IQCK: variants seen among roughly 807,000 people sequenced by gnomAD.
IQCK encodes IQ domain-containing protein K.
IQCK carries 29 observed loss-of-function variants against 28.1 expected under a neutral mutation model. The observed-to-expected ratio is 1.03, with a 90% CI of 0.77 to 1.41. IQCK has a LOEUF of 1.41. Among genes scored for constraint, IQCK ranks in the 40% most tolerant of loss-of-function variants. The pLI is 0.00. For synonymous variants in IQCK, 113 were observed against 115.1 expected (o/e 0.98, Z 0.12); for missense variants, 359 against 314.7 (o/e 1.14, Z -1.07).
intron 1 of IQCK, among the ~76,000 whole-genome samples, chr16:19,726,060 C>T (rs7194014): frequency 0.018 from 2,795 of 152,112 alleles, 69 homozygotes; most frequent in African/African-American, 0.063. Context: ...GGACTACAGG[C>T]GCCCGCCACC....
intron 9 of IQCK, among the ~76,000 whole-genome samples, chr16:19,853,655 A>G (rs1488509098): frequency 6.6e-6 from 1 of 151,780 alleles, no homozygotes; most frequent in Non-Finnish European, 1.5e-5. Context: ...TTTTTTTGAG[A>G]CAGTCTTGCT....
exon 10 of IQCK, chr16:19,856,592 T>C (rs2056566118): frequency 6.6e-7 from 1 of 1,526,452 alleles, no homozygotes. Flanking sequence ...ACAAGTTACC[T>C]TGTGCAAGGA....
intron 4 of IQCK, among the ~76,000 whole-genome samples, chr16:19,746,440 T>A (rs1259434793): frequency 6.6e-6 from 1 of 152,220 alleles, no homozygotes; most frequent in Non-Finnish European, 1.5e-5. Flanking sequence ...TTGTTGCCAT[T>A]AACCATCCCC....
At chr16:19,733,731 T>C (rs770525622) in exon 3 of IQCK, 1 of 1,614,244 alleles carries the variant, frequency 6.2e-7, no homozygotes, top group Non-Finnish European at 8.5e-7. Flanking sequence ...TTTTCATGGC[T>C]TCAGTGCAGA....
chr16:19,773,998 C>T (rs148625553), intron 6 of IQCK, among the ~76,000 whole-genome samples: 4 of 152,138 alleles, frequency 2.6e-5, no homozygotes, highest in South Asian at 4.2e-4. Context: ...CATGGTATTG[C>T]GGGGGTCATC....
At chr16:19,719,674 T>A (rs994095337) in intron 1 of IQCK, among the ~76,000 whole-genome samples, 1 of 144,950 alleles carries the variant, frequency 6.9e-6, no homozygotes, top group Non-Finnish European at 1.5e-5. Flanking sequence ...ACTCAAATTT[T>A]TTTTTTTTTT....
chr16:19,730,376 AC>A, intron 1 of IQCK, 53 bp from the exon 2 acceptor site: 1 of 1,341,162 alleles, frequency 7.5e-7, no homozygotes, highest in Non-Finnish European at 1.0e-6. Context: ...AGGAAATTAC[AC>A]CAGAAACTCT....
intron 9 of IQCK, among the ~76,000 whole-genome samples, chr16:19,844,392 A>G (rs1164505334): frequency 1.3e-5 from 2 of 151,994 alleles, no homozygotes; most frequent in African/African-American, 4.8e-5. Flanking sequence ...CTTGTTGAAG[A>G]CTTCAGAGTT....
At chr16:19,827,533 G>A (rs757096953), downstream of IQCK, among the ~76,000 whole-genome samples, 2 of 152,110 alleles carry the variant, frequency 1.3e-5, no homozygotes, top group African/African-American at 2.4e-5. Context: ...CCCCTTTTGC[G>A]ATGGCTAATT....
At chr16:19,769,787 C>T (rs897632304) in intron 6 of IQCK, among the ~76,000 whole-genome samples, 1 of 151,988 alleles carries the variant, frequency 6.6e-6, no homozygotes, top group African/African-American at 2.4e-5. Flanking sequence ...TTGGGGAGAG[C>T]CTGGAGTTGG....
intron 7 of IQCK, among the ~76,000 whole-genome samples, chr16:19,820,076 T>C (rs1315633818): frequency 4.6e-5 from 7 of 152,072 alleles, no homozygotes; most frequent in African/African-American, 1.7e-4. Flanking sequence ...CCACACCGTA[T>C]ATAAAAATTA....
At chr16:19,805,893 G>A (rs1018247115) in intron 7 of IQCK, among the ~76,000 whole-genome samples, 1 of 152,018 alleles carries the variant, frequency 6.6e-6, no homozygotes, top group Non-Finnish European at 1.5e-5. Flanking sequence ...AATGGGTGCT[G>A]CTGATTGGTT....
downstream of IQCK, among the ~76,000 whole-genome samples, chr16:19,831,041 G>A (rs929431692): frequency 9.9e-5 from 15 of 152,218 alleles, no homozygotes; most frequent in African/African-American, 3.6e-4. Context: ...AGGGGATGAA[G>A]CTCTGGGCTT....
chr16:19,774,616 G>A (rs2055365759), intron 6 of IQCK, among the ~76,000 whole-genome samples: 1 of 151,938 alleles, frequency 6.6e-6, no homozygotes, highest in South Asian at 2.1e-4. Context: ...CGCCCTCCTT[G>A]GCCTTCCAAA....
At chr16:19,773,856 G>T (rs1009781209) in intron 6 of IQCK, among the ~76,000 whole-genome samples, 1 of 152,190 alleles carries the variant, frequency 6.6e-6, no homozygotes, top group African/African-American at 2.4e-5. Context: ...AAAAGTTTAT[G>T]ATTACATCAG....
chr16:19,734,644 G>T (rs544107284), intron 3 of IQCK, among the ~76,000 whole-genome samples: 6 of 151,316 alleles, frequency 4.0e-5, no homozygotes, highest in Admixed American at 4.0e-4. Flanking sequence ...AGCTGGGTGT[G>T]GTGGCAGGTA....
intron 4 of IQCK, among the ~76,000 whole-genome samples, chr16:19,738,687 C>T (rs974928490): frequency 2.0e-5 from 3 of 152,136 alleles, no homozygotes; most frequent in South Asian, 2.1e-4. Context: ...GTCCCTGGAA[C>T]CTAGGAAGAA....
At chr16:19,734,015 A>G (rs1431521390) in intron 3 of IQCK, 188 bp downstream of exon 3, 3 of 541,672 alleles carry the variant, frequency 5.5e-6, no homozygotes, top group Non-Finnish European at 9.5e-6. Context: ...AAAATGTAAT[A>G]AAGATAATAA....
At chr16:19,718,321 G>A (rs928446261) in exon 1 of IQCK, 3 of 1,607,162 alleles carry the variant, frequency 1.9e-6, no homozygotes, top group African/African-American at 1.3e-5. Context: ...CGGCACCGCG[G>A]CAAATCCCCA....
Sources: allele counts gnomAD v4.1 joint callset (sites outside exome capture counted in the v4.1 genomes callset), GRCh38; gene constraint gnomAD v4.1.1; transcripts MANE v1.5; gene names NCBI Gene and HGNC (gene_info 2026-07-23, HGNC 2026-07-21).